The following DOCK4 variants were observed in gnomAD, a reference collection of about 807,000 sequenced individuals.
The protein encoded by DOCK4 is dedicator of cytokinesis 4, also known as dedicator of cytokinesis protein 4.
Under a neutral mutation model 268.1 loss-of-function variants are expected in DOCK4, and 97 were observed. The observed-to-expected ratio is 0.36, with a 90% CI of 0.31 to 0.43. The LOEUF (loss-of-function observed/expected upper bound fraction) is 0.43. Ranked by LOEUF, DOCK4 falls within the 20% of genes least tolerant of loss-of-function variation. The pLI, the probability that DOCK4 is intolerant of heterozygous loss-of-function variation, is 1.00. For missense variants in DOCK4, 2,145 were observed against 2,455.7 expected (o/e 0.87, Z 2.67); for synonymous variants, 954 against 887.2 (o/e 1.08, Z -1.34).
rs759449913 is a variant in DOCK4, at chr7:111,728,387, C to T, written c.5815G>A (p.Ala1939Thr). 66 of 1,552,922 alleles carry T rather than the reference C, an allele frequency of 4.3e-5. No individual in the cohort carries two copies. The highest frequency in any genetic ancestry group is 5.5e-5 in the Non-Finnish European group (63 of 1,148,846). The change falls in exon 53 of 53, where the codon GCG becomes ACG. Residue 1939 changes from alanine (A) to threonine (T), a missense_variant. Physicochemically the swap from Ala to Thr is moderately conservative, Grantham distance 58. This residue lies in a region of DOCK4 where 547 missense variants were observed against 469.0 expected (regional missense o/e 1.17). Transcript: ENST00000428084. ...LSIPVTSEPP[A>T]LPPKPLAARS... Reference sequence around the variant, plus strand: ...GCTGCCAGAGGCTTGGGGGGCAGCGCGGGCGGCTCCGACGTGACGGGGATG... The same window carrying T: ...GCTGCCAGAGGCTTGGGGGGCAGCGTGGGCGGCTCCGACGTGACGGGGATG...
At chr7:112,181,257 C>T (rs1469343387) in intron 1 of DOCK4, among the ~76,000 whole-genome samples, 2 of 152,094 alleles carry the variant, frequency 1.3e-5, no homozygotes. Flanking sequence ...AAATTCCACA[C>T]TGAAGTCCAT....
chr7:112,174,205 A>G (rs1220719698), intron 1 of DOCK4, among the ~76,000 whole-genome samples: 1 of 152,132 alleles, frequency 6.6e-6, no homozygotes, highest in Non-Finnish European at 1.5e-5. Context: ...ACGTTAGTAC[A>G]CAACCTGAGG....
intron 43 of DOCK4, 104 bp downstream of exon 43, chr7:111,747,161 CTA>C: frequency 9.5e-7 from 1 of 1,047,706 alleles, no homozygotes; most frequent in Non-Finnish European, 1.3e-6. Flanking sequence ...AATCGCAGCC[CTA>C]TGTTTGCGTG....
At chr7:111,781,753 C>T (rs1469486020) in intron 35 of DOCK4, among the ~76,000 whole-genome samples, 1 of 152,144 alleles carries the variant, frequency 6.6e-6, no homozygotes, top group African/African-American at 2.4e-5. Context: ...CACAAGAAAG[C>T]AGAAGCCCTG....
chr7:112,080,644 G>C (rs182549602), intron 1 of DOCK4, among the ~76,000 whole-genome samples: 23 of 152,274 alleles, frequency 1.5e-4, no homozygotes, highest in Non-Finnish European at 3.1e-4. Flanking sequence ...TTCCCATTTG[G>C]CTAAAGGCAG....
At chr7:112,149,967 C>T (rs929921872) in intron 1 of DOCK4, among the ~76,000 whole-genome samples, 3 of 152,182 alleles carry the variant, frequency 2.0e-5, no homozygotes, top group Non-Finnish European at 4.4e-5. Flanking sequence ...TACTGTGGGC[C>T]AGGCAAGGTA....
rs570738088 is a variant in DOCK4, at chr7:112,009,937, C to T, written c.38-5806G>A. On this transcript the variant is annotated intron_variant, in intron 1 of 52. Transcript: ENST00000428084. ...GCTCAAGCCATCCTCCCACCTCAGC[C>T]TCCTCAGTAGCTCGGACTGAAAGCG... is the stretch of plus-strand genomic sequence containing the variant. 7.9e-5 allele frequency among the ~76,000 whole-genome samples: 12 copies of T among 152,338 alleles called. No individual in the cohort carries two copies. In the South Asian group the frequency reaches 2.5e-3, roughly 32 times the overall value.
intron 1 of DOCK4, among the ~76,000 whole-genome samples, chr7:112,119,575 C>T (rs1207724978): frequency 6.6e-6 from 1 of 152,038 alleles, no homozygotes; most frequent in Non-Finnish European, 1.5e-5. Context: ...AGCAACTGTG[C>T]CCTAAACGAA....
chr7:111,767,074 C>T lies in DOCK4; in HGVS notation c.3873G>A (p.Gln1291=), dbSNP rs1332423361. The T allele has an allele frequency of 1.9e-6, 3 of 1,613,834 alleles. No homozygotes were observed. The highest frequency in any genetic ancestry group is 2.2e-5 in the South Asian group (2 of 91,088). Residue 1291 remains glutamine, a synonymous_variant, in exon 38 of 53, where the codon CAG becomes CAA. Coordinates refer to ENST00000428084, the MANE Select transcript of DOCK4 (RefSeq NM_001363540.2). ...TTCTGTAGTCATAATAACTCTCATA[C>T]TGCTCTGCAATCTTCCGGCACAAGA... ...GIILCRKIAE[Q]YESYYDYRNL...
At chr7:112,140,323 T>C (rs1814783085) in intron 1 of DOCK4, among the ~76,000 whole-genome samples, 1 of 152,130 alleles carries the variant, frequency 6.6e-6, no homozygotes, top group Non-Finnish European at 1.5e-5. Context: ...TTCACTCTAG[T>C]GCAGCAATGT....
At chr7:111,791,615 A>G (rs1269520624) in intron 30 of DOCK4, among the ~76,000 whole-genome samples, 1 of 151,864 alleles carries the variant, frequency 6.6e-6, no homozygotes, top group African/African-American at 2.4e-5. Context: ...TGGCCAGCTA[A>G]TTTTTGTATT....
chr7:111,986,455 C>A (rs2135193762), intron 6 of DOCK4, among the ~76,000 whole-genome samples: 1 of 152,234 alleles, frequency 6.6e-6, no homozygotes, highest in South Asian at 2.1e-4. Flanking sequence ...TTCCTAGGTA[C>A]ATCTTCCCAT....
intron 1 of DOCK4, among the ~76,000 whole-genome samples, chr7:112,102,942 G>A (rs1810823975): frequency 6.6e-6 from 1 of 152,104 alleles, no homozygotes; most frequent in African/African-American, 2.4e-5. Context: ...TAAAAATTCT[G>A]TTTATACCAA....
chr7:112,001,349 C>T (rs1325995151), intron 2 of DOCK4, among the ~76,000 whole-genome samples: 3 of 152,116 alleles, frequency 2.0e-5, no homozygotes, highest in South Asian at 2.1e-4. Flanking sequence ...CGTGCCTGCC[C>T]GCTCAGTTCC....
intron 39 of DOCK4, among the ~76,000 whole-genome samples, chr7:111,764,079 G>C (rs1273862591): frequency 6.6e-6 from 1 of 152,122 alleles, no homozygotes; most frequent in Non-Finnish European, 1.5e-5. Flanking sequence ...TACACTGTGT[G>C]GAGTCTCTTT....
chr7:111,917,674 G>T (rs1466715807), intron 12 of DOCK4, among the ~76,000 whole-genome samples: 1 of 151,070 alleles, frequency 6.6e-6, no homozygotes, highest in Non-Finnish European at 1.5e-5. Flanking sequence ...CAGCTGCACT[G>T]CAGCCTGGGT....
intron 1 of DOCK4, among the ~76,000 whole-genome samples, chr7:112,045,589 A>T (rs1804758212): frequency 6.6e-6 from 1 of 152,218 alleles, no homozygotes; most frequent in Non-Finnish European, 1.5e-5. Context: ...TTTGTCACTA[A>T]ATGCTCCTTG....
chr7:111,733,891 G>A (rs1795286276), intron 51 of DOCK4, among the ~76,000 whole-genome samples: 1 of 152,092 alleles, frequency 6.6e-6, no homozygotes, highest in Admixed American at 6.6e-5. Context: ...AAAATTATTG[G>A]TGACTTGACT....
intron 13 of DOCK4, 117 bp from the exon 14 acceptor site, chr7:111,901,918 A>G: frequency 5.6e-6 from 4 of 712,068 alleles, no homozygotes; most frequent in Non-Finnish European, 8.8e-6. Flanking sequence ...ATATAAAAGT[A>G]CAAATATATT....
Sources: allele counts gnomAD v4.1 joint callset (sites outside exome capture counted in the v4.1 genomes callset), GRCh38; gene constraint gnomAD v4.1.1; regional missense constraint gnomAD v4.1.1; transcripts MANE v1.5; gene names NCBI Gene and HGNC (gene_info 2026-07-23, HGNC 2026-07-21).